CDH18: variants seen among roughly 807,000 people sequenced by gnomAD.
The protein encoded by CDH18 is cadherin-18.
A neutral mutation model predicts 67.9 loss-of-function variants in CDH18; 31 were observed. The observed-to-expected ratio is 0.46, with a 90% CI of 0.34 to 0.62. The LOEUF is 0.62. Among genes scored for constraint, CDH18 ranks in the 20% least tolerant of loss-of-function variants. CDH18 has a pLI of 0.01. For synonymous variants in CDH18, 362 were observed against 347.2 expected (o/e 1.04, Z -0.48); for missense variants, 890 against 975.5 (o/e 0.91, Z 1.17).
chr5:19,681,539 A>G (rs1462928379), intron 5 of CDH18, among the ~76,000 whole-genome samples: 4 of 151,964 alleles, frequency 2.6e-5, no homozygotes, highest in African/African-American at 9.7e-5. Context: ...TGCTTTTCCA[A>G]CATTATGACA....
chr5:19,706,427 G>C (rs1376694189), intron 5 of CDH18, among the ~76,000 whole-genome samples: 2 of 152,230 alleles, frequency 1.3e-5, no homozygotes, highest in African/African-American at 4.8e-5. Context: ...CTATTATCCA[G>C]CATTGCCCAA....
intron 5 of CDH18, among the ~76,000 whole-genome samples, chr5:19,621,147 C>T (rs1033633603): frequency 1.3e-5 from 2 of 151,708 alleles, no homozygotes; most frequent in African/African-American, 4.8e-5. Context: ...TAATTTGCCA[C>T]TCCCTCTTGA....
chr5:19,633,547 G>A (rs958382077), intron 5 of CDH18, among the ~76,000 whole-genome samples: 6 of 152,066 alleles, frequency 3.9e-5, no homozygotes, highest in African/African-American at 1.4e-4. Flanking sequence ...GAGGCATAGT[G>A]GGGTGGGGAG....
intron 1 of CDH18, among the ~76,000 whole-genome samples, chr5:20,433,925 G>A (rs560374565): frequency 5.9e-5 from 9 of 152,190 alleles, no homozygotes; most frequent in Admixed American, 3.3e-4. Context: ...TAAAGAAAAC[G>A]CGTCATAAAC....
intron 6 of CDH18, among the ~76,000 whole-genome samples, chr5:19,598,823 GC>G (rs2150056857): frequency 6.6e-6 from 1 of 152,146 alleles, no homozygotes; most frequent in South Asian, 2.1e-4. Context: ...AGCTATTTAA[GC>G]CACATAGAAA....
intron 2 of CDH18, among the ~76,000 whole-genome samples, chr5:20,114,315 G>A (rs183268219): frequency 1.0e-3 from 157 of 152,144 alleles, no homozygotes; most frequent in African/African-American, 3.5e-3. Context: ...TCTATCATAC[G>A]TCTATATAAT....
chr5:20,129,557 T>C (rs1312832379), intron 2 of CDH18, among the ~76,000 whole-genome samples: 1 of 152,048 alleles, frequency 6.6e-6, no homozygotes, highest in Non-Finnish European at 1.5e-5. Flanking sequence ...TGTGAGTTGA[T>C]TTGACATGTA....
At chr5:20,324,945 ACCT>A (rs773655756) in intron 1 of CDH18, among the ~76,000 whole-genome samples, 1 of 152,074 alleles carries the variant, frequency 6.6e-6, no homozygotes, top group African/African-American at 2.4e-5. Context: ...TAAAATTGCC[ACCT>A]CCTATTTATA....
intron 1 of CDH18, among the ~76,000 whole-genome samples, chr5:19,985,500 T>A (rs1362792295): frequency 1.3e-5 from 2 of 151,970 alleles, no homozygotes; most frequent in African/African-American, 4.8e-5. Flanking sequence ...ATAGAGAGAT[T>A]TTTTTATTGA....
At chr5:19,831,970 A>G (rs1781086152) in intron 3 of CDH18, among the ~76,000 whole-genome samples, 1 of 152,104 alleles carries the variant, frequency 6.6e-6, no homozygotes, top group African/African-American at 2.4e-5. Flanking sequence ...TGTGGATACA[A>G]CTGGAAGCCA....
At chr5:20,377,042 A>T (rs1378330657) in intron 1 of CDH18, among the ~76,000 whole-genome samples, 1 of 151,708 alleles carries the variant, frequency 6.6e-6, no homozygotes, top group Non-Finnish European at 1.5e-5. Flanking sequence ...ATATTAGGTC[A>T]GGCCATAGAG....
At chr5:19,924,791 T>G (rs1370253633) in intron 2 of CDH18, among the ~76,000 whole-genome samples, 2 of 151,724 alleles carry the variant, frequency 1.3e-5, no homozygotes, top group African/African-American at 2.4e-5. Flanking sequence ...GAGCAGAGAG[T>G]GACCAAGGAG....
At chr5:20,085,809 T>A (rs1744900300) in intron 2 of CDH18, among the ~76,000 whole-genome samples, 1 of 152,002 alleles carries the variant, frequency 6.6e-6, no homozygotes, top group Admixed American at 6.5e-5. Flanking sequence ...TTCAATTACC[T>A]CCCCAGGTCC....
At chr5:20,124,259 G>C (rs907702955) in intron 2 of CDH18, among the ~76,000 whole-genome samples, 4 of 152,172 alleles carry the variant, frequency 2.6e-5, no homozygotes, top group Non-Finnish European at 5.9e-5. Flanking sequence ...CCATAGGAAT[G>C]TGTAAGTTGG....
chr5:20,227,441 GA>G (rs1386267962), intron 2 of CDH18, among the ~76,000 whole-genome samples: 1 of 151,952 alleles, frequency 6.6e-6, no homozygotes, highest in African/African-American at 2.4e-5. Context: ...AACACACAAA[GA>G]TTCAATAATC....
At chr5:19,786,064 C>T (rs1775746336) in intron 3 of CDH18, among the ~76,000 whole-genome samples, 1 of 151,952 alleles carries the variant, frequency 6.6e-6, no homozygotes, top group Non-Finnish European at 1.5e-5. Flanking sequence ...AGGTGATTTA[C>T]AAATTATTAT....
intron 2 of CDH18, among the ~76,000 whole-genome samples, chr5:20,152,202 ATATATAATAT>A (rs1307540961): frequency 4.9e-5 from 2 of 41,020 alleles, no homozygotes; most frequent in African/African-American, 1.2e-4. Context: ...ATATATAATT[ATATATAATAT>A]AGATATAATT....
At chr5:20,132,181 A>C (rs1172242767) in intron 2 of CDH18, among the ~76,000 whole-genome samples, 1 of 152,122 alleles carries the variant, frequency 6.6e-6, no homozygotes, top group South Asian at 2.1e-4. Context: ...GAGCCACCAC[A>C]CCTGGCCAAC....
intron 4 of CDH18, among the ~76,000 whole-genome samples, chr5:19,741,837 T>A (rs1392922472): frequency 6.6e-6 from 1 of 152,110 alleles, no homozygotes; most frequent in Admixed American, 6.6e-5. Context: ...CATCACTTTG[T>A]GGTTGTGGGA....
Sources: gnomAD v4.1 joint callset for allele counts (sites outside exome capture counted in the v4.1 genomes callset) on GRCh38, gnomAD v4.1.1 for gene constraint, MANE v1.5 for transcripts, NCBI Gene and HGNC (gene_info 2026-07-23, HGNC 2026-07-21) for gene names.